NFU1: variants seen among roughly 807,000 people sequenced by gnomAD.
NFU1 encodes NFU1 iron-sulfur cluster scaffold.
In NFU1, 30 loss-of-function variants were observed where a neutral mutation model predicts 32.2. The observed-to-expected ratio is 0.93, with a 90% CI of 0.70 to 1.26. NFU1 has a LOEUF of 1.26. Ranked by LOEUF, NFU1 falls within the 50% of genes most tolerant of loss-of-function variation. The pLI, the probability that NFU1 is intolerant of heterozygous loss-of-function variation, is 0.00. For missense variants in NFU1, 306 were observed against 306.6 expected (o/e 1.00, Z 0.02); for synonymous variants, 112 against 104.6 (o/e 1.07, Z -0.43).
intron 1 of NFU1, among the ~76,000 whole-genome samples, chr2:69,433,538 C>T (rs79021121): frequency 0.012 from 1,881 of 151,858 alleles, 44 homozygotes; most frequent in African/African-American, 0.043. Context: ...TGCAGTGATG[C>T]GATCCCAGCT....
chr2:69,424,858 G>A (rs1673399133), intron 2 of NFU1, among the ~76,000 whole-genome samples: 1 of 147,944 alleles, frequency 6.8e-6, no homozygotes, highest in South Asian at 2.1e-4. Context: ...CTTATTATAT[G>A]CCAAATACAG....
chr2:69,423,207 GT>G lies in NFU1; in HGVS notation c.302+374del, dbSNP rs1290435499. Among the ~76,000 whole-genome samples, 899 of 97,920 alleles carry G rather than the reference GT, an allele frequency of 9.2e-3. 54 individuals carry two copies. The highest frequency in any genetic ancestry group is 0.037 in the African/African-American group (820 of 22,020). 64.2% of individuals were successfully genotyped at this position (97,920 alleles called of 152,430 possible). A position where few individuals can be genotyped will look rare whatever the true frequency, so the allele number is the denominator to read the frequency against. On this transcript the variant is annotated intron_variant, in intron 3 of 7. Transcript: ENST00000410022. Reference sequence around the variant, plus strand: ...GTGGTGAGATGGGCTGTGTGTGTGTGTGGGGGGGGGCGGGTAGAGATGGGCT... The same window carrying G: ...GTGGTGAGATGGGCTGTGTGTGTGTGGGGGGGGGGCGGGTAGAGATGGGCT...
At chr2:69,433,546 G>A (rs1322042199) in intron 1 of NFU1, among the ~76,000 whole-genome samples, 1 of 151,870 alleles carries the variant, frequency 6.6e-6, no homozygotes, top group East Asian at 1.9e-4. Flanking sequence ...TGCGATCCCA[G>A]CTTACTGCAA....
intron 1 of NFU1, among the ~76,000 whole-genome samples, chr2:69,434,878 C>CG (rs1486703282): frequency 6.6e-6 from 1 of 152,134 alleles, no homozygotes. Context: ...GGCCAGGGAA[C>CG]GGGTGTTGCT....
chr2:69,418,189 C>CA (rs1418684630), intron 4 of NFU1, among the ~76,000 whole-genome samples: 2 of 152,102 alleles, frequency 1.3e-5, no homozygotes, highest in Non-Finnish European at 2.9e-5. Context: ...TGTTTGAGCT[C>CA]AGAAATTTGA....
In NFU1 at chr2:69,434,255, C is replaced by T. The variant is rs569820361; in HGVS notation, c.63-2250G>A. Among the ~76,000 whole-genome samples, 29 of 151,866 alleles carry T rather than the reference C, an allele frequency of 1.9e-4. 1 individual carries two copies. The South Asian group carries it at 5.2e-3, about 27-fold the overall frequency. On this transcript the variant is annotated intron_variant, in intron 1 of 7. Coordinates refer to ENST00000410022, the MANE Select transcript of NFU1 (RefSeq NM_001002755.4). ...CGCCTCCTGGGTTCAAGCAATTCTC[C>T]GCCTCAGCCTCCCAAGTAGCTGGGA...
intron 7 of NFU1, among the ~76,000 whole-genome samples, 171 bp from the exon 8 acceptor site, chr2:69,396,461 G>A (rs1672337937): frequency 6.6e-6 from 1 of 151,858 alleles, no homozygotes; most frequent in Admixed American, 6.6e-5. Flanking sequence ...ATCATAACCC[G>A]GTATCCTAAA....
Position 69,402,873 on chromosome 2 carries a change from G to A in NFU1, c.546-2335C>T, listed in dbSNP as rs184763254. Among the ~76,000 whole-genome samples, 347 of 151,328 alleles carry A rather than the reference G, an allele frequency of 2.3e-3. 1 individual carries two copies. The highest frequency in any genetic ancestry group is 4.0e-3 in the Non-Finnish European group (269 of 67,896). On this transcript the variant is annotated intron_variant, in intron 6 of 7. Coordinates refer to ENST00000410022, the MANE Select transcript of NFU1 (RefSeq NM_001002755.4). ...GCTGGGATTACAGGTGTAAGCCACC[G>A]CGCCCGGTCTTTATCTGATTTCTTG...
chr2:69,438,099 A>G (rs1303122558), upstream of NFU1, among the ~76,000 whole-genome samples: 1 of 152,120 alleles, frequency 6.6e-6, no homozygotes, highest in Non-Finnish European at 1.5e-5. Context: ...CTCTAGGACA[A>G]CGGTTCTCAA....
At chr2:69,399,449 C>T (rs1030026446) in intron 7 of NFU1, 1 of 444,096 alleles carries the variant, frequency 2.3e-6, no homozygotes, top group Non-Finnish European at 4.5e-6. Context: ...GAATTCTACT[C>T]AGTATAACAA....
At chr2:69,419,306 G>C (rs551009455) in intron 4 of NFU1, among the ~76,000 whole-genome samples, 1 of 151,780 alleles carries the variant, frequency 6.6e-6, no homozygotes, top group Non-Finnish European at 1.5e-5. Flanking sequence ...CAGCCTGGGG[G>C]ACAAGAGCAA....
Position 69,432,084 on chromosome 2 carries a change from A to T in NFU1, c.63-79T>A, listed in dbSNP as rs1673658187. The T allele has an allele frequency of 1.0e-5, 9 of 886,870 alleles. No individual in the cohort carries two copies. In the South Asian group the frequency reaches 1.3e-4, roughly 13 times the overall value. The allele number at this position is 886,870 out of a possible 1,614,324, so 54.9% of individuals were successfully genotyped here. ...GTTGGTTTCTACTTCTCATGTATAAAAAAGACCTATGTAAAATTTAAACAT... is the reference window on the plus strand; with the variant it reads ...GTTGGTTTCTACTTCTCATGTATAATAAAGACCTATGTAAAATTTAAACAT... On this transcript the variant is annotated intron_variant, in intron 1 of 7. Transcript: ENST00000410022.
At chr2:69,436,040 G>A (rs188744194) in intron 1 of NFU1, among the ~76,000 whole-genome samples, 6 of 151,744 alleles carry the variant, frequency 4.0e-5, no homozygotes, top group Middle Eastern at 3.4e-3. Flanking sequence ...CACCACGCCC[G>A]GCACACCACT....
At chr2:69,438,764 C>T (rs949392739), upstream of NFU1, among the ~76,000 whole-genome samples, 15 of 152,000 alleles carry the variant, frequency 9.9e-5, no homozygotes, top group African/African-American at 3.6e-4. Context: ...GCCTGCAGCT[C>T]GCCCGGGCCC....
rs147319439 is a variant in NFU1 at position 69,418,165 on chromosome 2, C to T, written c.369+1373G>A. ...CGGTAATCCCAGCACTTTGGGAGGC[C>T]GAGGTGAGCAGATTGTTTGAGCTCA... On this transcript the variant is annotated intron_variant, in intron 4 of 7. Coordinates refer to ENST00000410022, the MANE Select transcript of NFU1 (RefSeq NM_001002755.4). 3.6e-3 allele frequency among the ~76,000 whole-genome samples: 552 copies of T among 152,158 alleles called. 3 individuals are homozygous for T. The highest frequency in any genetic ancestry group is 4.5e-3 in the Non-Finnish European group (306 of 67,998).
intron 3 of NFU1, 67 bp from the exon 4 acceptor site, chr2:69,419,671 A>T: frequency 1.1e-6 from 1 of 886,556 alleles, no homozygotes; most frequent in Admixed American, 2.1e-5. Flanking sequence ...ACATACACAA[A>T]AGTAGAGAAA....
Position 69,396,281 on chromosome 2 carries a change from C to A in NFU1, c.730G>T (p.Asp244Tyr), listed in dbSNP as rs1672328303. Residue 244 changes from aspartate (D) to tyrosine (Y), a missense_variant, in exon 8 of 8, where the codon GAT (aspartate) becomes TAT (tyrosine). By Grantham distance (160) the Asp-to-Tyr change is radical. Coordinates refer to ENST00000410022, the MANE Select transcript of NFU1 (RefSeq NM_001002755.4). ...TTTGCTTCTTTTTCATCTGATTCAT[C>A]ATCCATAACCTAAAACCAAAAAACA... ...EVEGVEQVMD[D>Y]ESDEKEANSP 1.9e-6 allele frequency: 3 copies of A among 1,607,926 alleles called. No individual in the cohort carries two copies. In the South Asian group the frequency reaches 3.3e-5, roughly 18 times the overall value.
chr2:69,402,301 C>A (rs1672549838), intron 6 of NFU1, among the ~76,000 whole-genome samples: 1 of 152,158 alleles, frequency 6.6e-6, no homozygotes, highest in Non-Finnish European at 1.5e-5. Context: ...CTGTAAATAT[C>A]TTCTAATCTG....
chr2:69,399,364 A>C (rs747916780), intron 7 of NFU1: 1 of 456,326 alleles, frequency 2.2e-6, no homozygotes, highest in South Asian at 1.6e-5. Context: ...TACTGATGAC[A>C]AGGTGCTGTG....
Sources: allele counts gnomAD v4.1 joint callset (sites outside exome capture counted in the v4.1 genomes callset), GRCh38; gene constraint gnomAD v4.1.1; transcripts MANE v1.5; gene names NCBI Gene and HGNC (gene_info 2026-07-23, HGNC 2026-07-21).